Variants in SNTG1 observed in about 807,000 individuals in gnomAD.
SNTG1 encodes the protein syntrophin gamma 1, also known as gamma-1-syntrophin.
SNTG1 carries 39 observed loss-of-function variants against 74.7 expected under a neutral mutation model. That is an observed-to-expected ratio of 0.52 (90% CI 0.40 to 0.68). SNTG1 has a LOEUF of 0.68. Among genes scored for constraint, SNTG1 ranks in the 30% least tolerant of loss-of-function variants. The probability of loss-of-function intolerance (pLI) is 0.00; values close to 1 mark genes in which losing one functional copy is unlikely to be tolerated. For synonymous variants in SNTG1, 254 were observed against 217.1 expected, an observed-to-expected ratio of 1.17 and a Z score of -1.49; for missense variants, 685 against 609.5, an observed-to-expected ratio of 1.12 and a Z score of -1.30.
intron 8 of SNTG1, among the ~76,000 whole-genome samples, chr8:50,495,174 A>C (rs1456566376): frequency 6.6e-6 from 1 of 152,140 alleles, no homozygotes; most frequent in East Asian, 1.9e-4. Flanking sequence ...TTTTCATTTT[A>C]AACGACATAA....
chr8:50,325,724 T>C (rs1256072434), intron 2 of SNTG1, among the ~76,000 whole-genome samples: 1 of 152,126 alleles, frequency 6.6e-6, no homozygotes, highest in Admixed American at 6.5e-5. Flanking sequence ...GTACACCTTT[T>C]ATTTCCTTTT....
chr8:50,418,805 C>T (rs757065395), intron 4 of SNTG1, among the ~76,000 whole-genome samples: 16 of 152,086 alleles, frequency 1.1e-4, no homozygotes, highest in Non-Finnish European at 1.6e-4. Flanking sequence ...TGTCATCTTT[C>T]CAGCTGCATT....
intron 2 of SNTG1, among the ~76,000 whole-genome samples, chr8:50,376,756 T>TATATATATATAG (rs1381048539): frequency 3.3e-5 from 3 of 89,964 alleles, no homozygotes; most frequent in African/African-American, 4.1e-5. Flanking sequence ...TATATATATA[T>TATATATATATAG]AGAGAGAGAG....
chr8:50,762,609 T>C (rs999751721), intron 18 of SNTG1: 3 of 417,506 alleles, frequency 7.2e-6, no homozygotes, highest in South Asian at 3.9e-5. Context: ...ACCATCAGTG[T>C]ATCCTCTCCC....
At position 50,686,073 on chromosome 8, in the gene SNTG1, G is replaced by A. The variant is rs558857599; in HGVS notation, c.1039-18527G>A. ...ATTATGGTAAATGTTACAATTATTA[G>A]TCACATTATGAGATATTAGAAATAT... is the stretch of plus-strand genomic sequence containing the variant. On this transcript the variant is annotated intron_variant, in intron 15 of 18. Coordinates refer to ENST00000642720, the MANE Select transcript of SNTG1 (RefSeq NM_018967.5). Among the ~76,000 whole-genome samples the A allele has an allele frequency of 9.2e-5, 14 of 152,194 alleles. No individual in the cohort carries two copies. The South Asian group carries it at 2.9e-3, about 32-fold the overall frequency.
At chr8:50,018,646 A>G (rs1024657447) in intron 1 of SNTG1, among the ~76,000 whole-genome samples, 1 of 152,048 alleles carries the variant, frequency 6.6e-6, no homozygotes, top group Admixed American at 6.6e-5. Flanking sequence ...GATAAAATGG[A>G]CATTATCAAA....
chr8:50,780,658 C>T (rs1241364449), intron 18 of SNTG1, among the ~76,000 whole-genome samples: 1 of 152,170 alleles, frequency 6.6e-6, no homozygotes, highest in African/African-American at 2.4e-5. Flanking sequence ...AAACCAGCTC[C>T]TGGATTCTTT....
intron 15 of SNTG1, among the ~76,000 whole-genome samples, chr8:50,691,148 A>G (rs1314780934): frequency 1.3e-5 from 2 of 152,246 alleles, no homozygotes; most frequent in East Asian, 1.9e-4. Context: ...GTGTCTCTGC[A>G]CGTGAGATGG....
chr8:50,673,059 A>G (rs572794303), intron 15 of SNTG1, among the ~76,000 whole-genome samples: 1 of 152,158 alleles, frequency 6.6e-6, no homozygotes, highest in Admixed American at 6.6e-5. Flanking sequence ...TACCAGTACC[A>G]TGCTGTTTTG....
At chr8:50,253,345 C>T (rs2086726454) in intron 2 of SNTG1, among the ~76,000 whole-genome samples, 1 of 152,070 alleles carries the variant, frequency 6.6e-6, no homozygotes, top group Non-Finnish European at 1.5e-5. Flanking sequence ...ATCATTTGAA[C>T]CTGGGAGGCA....
At chr8:50,770,881 A>G (rs1483463807) in intron 18 of SNTG1, among the ~76,000 whole-genome samples, 1 of 152,022 alleles carries the variant, frequency 6.6e-6, no homozygotes, top group Non-Finnish European at 1.5e-5. Context: ...GCATATTCCC[A>G]CTTCACTTCC....
chr8:49,955,120 TAGTC>T (rs777697332), intron 1 of SNTG1, among the ~76,000 whole-genome samples: 18 of 152,228 alleles, frequency 1.2e-4, no homozygotes, highest in Admixed American at 3.3e-4. Flanking sequence ...AGAACACTCT[TAGTC>T]AGAATATTTG....
chr8:50,419,877 T>C (rs2093059806), intron 4 of SNTG1, among the ~76,000 whole-genome samples: 1 of 151,064 alleles, frequency 6.6e-6, no homozygotes, highest in Non-Finnish European at 1.5e-5. Context: ...AATACAATAA[T>C]TGAAATAAAA....
At chr8:50,203,810 C>A (rs1474129285) in intron 2 of SNTG1, among the ~76,000 whole-genome samples, 1 of 149,890 alleles carries the variant, frequency 6.7e-6, no homozygotes, top group African/African-American at 2.4e-5. Flanking sequence ...GTAATAAAAT[C>A]TTGTTATATT....
chr8:50,617,130 T>C (rs921465971), intron 13 of SNTG1, among the ~76,000 whole-genome samples: 1 of 152,018 alleles, frequency 6.6e-6, no homozygotes, highest in Non-Finnish European at 1.5e-5. Flanking sequence ...CCTGTTTTAC[T>C]ACTCCGCATA....
chr8:50,751,932 G>A, intron 17 of SNTG1, 69 bp from the exon 18 acceptor site: 1 of 897,006 alleles, frequency 1.1e-6, no homozygotes, highest in Non-Finnish European at 1.7e-6. Context: ...ATTTAAAAAA[G>A]AACTATTTCT....
At chr8:49,960,503 A>C (rs1015241618) in intron 1 of SNTG1, among the ~76,000 whole-genome samples, 1 of 152,144 alleles carries the variant, frequency 6.6e-6, no homozygotes, top group African/African-American at 2.4e-5. Context: ...TCTGATTTTG[A>C]AAAAAGAAAT....
chr8:50,298,169 A>G (rs1341995737), intron 2 of SNTG1, among the ~76,000 whole-genome samples: 6 of 152,134 alleles, frequency 3.9e-5, no homozygotes, highest in East Asian at 1.9e-4. Context: ...TGGACAAATG[A>G]TCACATCTCA....
intron 2 of SNTG1, among the ~76,000 whole-genome samples, chr8:50,274,537 A>G (rs1456954972): frequency 1.3e-5 from 2 of 152,138 alleles, no homozygotes; most frequent in African/African-American, 4.8e-5. Flanking sequence ...TATATTTTAA[A>G]ATTTCCTTTT....
Sources: gnomAD v4.1 joint callset for allele counts (sites outside exome capture counted in the v4.1 genomes callset) on GRCh38, gnomAD v4.1.1 for gene constraint, MANE v1.5 for transcripts, NCBI Gene and HGNC (gene_info 2026-07-23, HGNC 2026-07-21) for gene names.